Variants in SHANK2 observed in about 807,000 individuals in gnomAD.
The protein encoded by SHANK2 is SH3 and multiple ankyrin repeat domains protein 2.
SHANK2 carries 43 observed loss-of-function variants against 133.7 expected under a neutral mutation model. The ratio of observed to expected loss-of-function variants is 0.32; its 90% CI spans 0.25 to 0.41. SHANK2 has a LOEUF of 0.41. Ranked by LOEUF, SHANK2 falls within the 10% of genes least tolerant of loss-of-function variation. The pLI is 1.00. For missense variants in SHANK2, 1,994 were observed against 2,235.8 expected (o/e 0.89, Z 2.18); for synonymous variants, 1,017 against 952.8 (o/e 1.07, Z -1.24).
At position 70,755,073 on chromosome 11, in the gene SHANK2, CT is replaced by C. The variant is rs1190667411; in HGVS notation, c.1777+43369del. Among the ~76,000 whole-genome samples the C allele has an allele frequency of 7.4e-3, 1,078 of 145,404 alleles. 14 individuals are homozygous for C. Among genetic ancestry groups the C allele is most frequent in the African/African-American group, 0.023 (923 of 39,972 alleles). On this transcript the variant is annotated intron_variant, in intron 14 of 25. Coordinates refer to ENST00000601538, the MANE Select transcript of SHANK2 (RefSeq NM_012309.5). Reference sequence around the variant, plus strand: ...TATGTATGAAAACCCTGTTCATAATCTTTTTTTTTTTTTTCTGAGATGAAGT... The same window carrying C: ...TATGTATGAAAACCCTGTTCATAATCTTTTTTTTTTTTTCTGAGATGAAGT...
chr11:70,565,189 T>C (rs528261570), intron 17 of SHANK2, among the ~76,000 whole-genome samples: 55 of 151,718 alleles, frequency 3.6e-4, no homozygotes, highest in African/African-American at 1.3e-3. Flanking sequence ...TTGTTCTGGG[T>C]GTAGTTAAGT....
In SHANK2 at chr11:70,871,265, C is replaced by T. The variant is rs368299392; in HGVS notation, c.1174+25236G>A. ...TTCAAAGGGGAGTCAGGGGTCTGGG[C>T]TCGCCTGGTGGCAGGCTCTGCAGGA... On this transcript the variant is annotated intron_variant, in intron 11 of 25. Transcript: ENST00000601538. Among the ~76,000 whole-genome samples, 76 of 152,324 alleles carry T rather than the reference C, an allele frequency of 5.0e-4. No homozygotes were observed. The South Asian group carries it at 0.015, about 30-fold the overall frequency.
chr11:70,810,230 A>C (rs1311715208), intron 12 of SHANK2, among the ~76,000 whole-genome samples: 1 of 152,190 alleles, frequency 6.6e-6, no homozygotes, highest in Non-Finnish European at 1.5e-5. Context: ...TGATGAACGC[A>C]ACAGCAGCGC....
At chr11:71,121,472 G>C (rs1952083290) in intron 3 of SHANK2, among the ~76,000 whole-genome samples, 1 of 152,198 alleles carries the variant, frequency 6.6e-6, no homozygotes, top group South Asian at 2.1e-4. Flanking sequence ...TTAGCCCTTT[G>C]TCAGATGGAC....
intron 17 of SHANK2, among the ~76,000 whole-genome samples, chr11:70,646,834 T>A (rs1177301205): frequency 5.2e-5 from 4 of 77,612 alleles, no homozygotes; most frequent in Non-Finnish European, 9.7e-5. Context: ...ATTTATTTTA[T>A]TTATTTATTT....
chr11:70,603,996 G>C (rs2060537959), intron 17 of SHANK2: 1 of 152,538 alleles, frequency 6.6e-6, no homozygotes, highest in Non-Finnish European at 1.5e-5. Context: ...TAACATCGAG[G>C]GGCCCATGAA....
intron 14 of SHANK2, among the ~76,000 whole-genome samples, chr11:70,760,158 T>C (rs1946962143): frequency 6.6e-6 from 1 of 152,274 alleles, no homozygotes; most frequent in African/African-American, 2.4e-5. Flanking sequence ...AACACGCATG[T>C]GTGCTCAGTG....
At chr11:71,119,360 T>A (rs116056459) in intron 3 of SHANK2, among the ~76,000 whole-genome samples, 1,712 of 152,220 alleles carry the variant, frequency 0.011, 35 homozygotes, top group African/African-American at 0.039. Flanking sequence ...GGCAAGCAGA[T>A]CACAAGGTCA....
At chr11:70,502,749 C>CG (rs782159014) in intron 18 of SHANK2, 47 bp downstream of exon 18, 18 of 1,200,402 alleles carry the variant, frequency 1.5e-5, no homozygotes, top group East Asian at 1.4e-4. Flanking sequence ...CCACCCCCCC[C>CG]CCCCAGTAGG....
chr11:70,698,307 A>G lies in SHANK2; in HGVS notation c.1853+381T>C, dbSNP rs1263915388. Reference sequence around the variant, plus strand: ...GGATGAGAACCCGAGGACCACAGAGAAGGCAGAAACCCAGACCTGAGGCAT... The same window carrying G: ...GGATGAGAACCCGAGGACCACAGAGGAGGCAGAAACCCAGACCTGAGGCAT... On this transcript the variant is annotated intron_variant, in intron 15 of 25. Transcript: ENST00000601538. 1.5e-5 allele frequency: 4 copies of G among 258,340 alleles called. No homozygotes were observed. The South Asian group carries it at 2.2e-4, about 14-fold the overall frequency. The allele number at this position is 258,340 out of a possible 1,614,324, so 16.0% of individuals were successfully genotyped here. A position where few individuals can be genotyped will look rare whatever the true frequency, so the allele number is the denominator to read the frequency against.
chr11:70,856,728 G>T (rs575891420), intron 11 of SHANK2, among the ~76,000 whole-genome samples: 1 of 152,280 alleles, frequency 6.6e-6, no homozygotes, highest in South Asian at 2.1e-4. Context: ...TTATGAGGGA[G>T]GCATCTGATT....
chr11:70,946,341 C>T (rs1555085427), intron 10 of SHANK2, among the ~76,000 whole-genome samples: 1 of 149,570 alleles, frequency 6.7e-6, no homozygotes. Context: ...CAGGATCAGC[C>T]TCCCTCTCCA....
chr11:70,712,707 G>A (rs932947057), intron 14 of SHANK2, among the ~76,000 whole-genome samples: 6 of 152,196 alleles, frequency 3.9e-5, no homozygotes, highest in East Asian at 1.9e-4. Context: ...AGACTGAGCC[G>A]CCAGCACGAT....
chr11:70,511,300 G>C (rs1246473893), intron 17 of SHANK2, among the ~76,000 whole-genome samples: 2 of 152,192 alleles, frequency 1.3e-5, no homozygotes, highest in Non-Finnish European at 2.9e-5. Flanking sequence ...AGGAAAAAAA[G>C]CTTTAGGATC....
intron 11 of SHANK2, among the ~76,000 whole-genome samples, chr11:70,856,991 C>T (rs1453521141): frequency 6.6e-6 from 1 of 152,214 alleles, no homozygotes; most frequent in African/African-American, 2.4e-5. Flanking sequence ...GTTGGTGATA[C>T]CTGTTTTGGA....
At chr11:71,202,557 A>G (rs1470407206) in intron 2 of SHANK2, among the ~76,000 whole-genome samples, 1 of 152,182 alleles carries the variant, frequency 6.6e-6, no homozygotes, top group Non-Finnish European at 1.5e-5. Flanking sequence ...CCTCCTCAGG[A>G]GCTGGCTTCC....
intron 17 of SHANK2, among the ~76,000 whole-genome samples, chr11:70,607,088 C>T (rs1174734890): frequency 6.6e-6 from 1 of 152,188 alleles, no homozygotes; most frequent in Non-Finnish European, 1.5e-5. Context: ...TCTGAGGCCT[C>T]AGCCCTCTTC....
intron 10 of SHANK2, among the ~76,000 whole-genome samples, chr11:70,928,210 G>T (rs1180141583): frequency 6.6e-6 from 1 of 152,146 alleles, no homozygotes; most frequent in African/African-American, 2.4e-5. Flanking sequence ...GCCGATACCT[G>T]TTCCCGTCGA....
chr11:70,701,933 T>TCAC (rs1446629478), intron 14 of SHANK2, among the ~76,000 whole-genome samples: 1 of 148,546 alleles, frequency 6.7e-6, no homozygotes, highest in South Asian at 2.2e-4. Flanking sequence ...ACCACCACCA[T>TCAC]CACCACCACC....
Sources: allele counts gnomAD v4.1 joint callset (sites outside exome capture counted in the v4.1 genomes callset), GRCh38; gene constraint gnomAD v4.1.1; transcripts MANE v1.5; gene names NCBI Gene and HGNC (gene_info 2026-07-23, HGNC 2026-07-21).